Variants in CSMD3 observed in about 807,000 individuals in gnomAD.
CSMD3 encodes the protein CUB and Sushi multiple domains 3, also known as CUB and sushi domain-containing protein 3.
CSMD3 carries 177 observed loss-of-function variants against 435.2 expected under a neutral mutation model. The ratio of observed to expected loss-of-function variants is 0.41; its 90% CI spans 0.36 to 0.46. CSMD3 has a LOEUF of 0.46. CSMD3 is among the 20% of genes least tolerant of loss of function. The probability of loss-of-function intolerance (pLI) is 0.34; values close to 1 mark genes in which losing one functional copy is unlikely to be tolerated. For missense variants in CSMD3, 4,265 were observed against 4,504.6 expected, an observed-to-expected ratio of 0.95 and a Z score of 1.52; for synonymous variants, 1,656 against 1,520.5, an observed-to-expected ratio of 1.09 and a Z score of -2.07.
chr8:113,000,529 A>C (rs1166104913), intron 6 of CSMD3, among the ~76,000 whole-genome samples: 1 of 152,056 alleles, frequency 6.6e-6, no homozygotes, highest in East Asian at 1.9e-4. Flanking sequence ...AGCCCGATTT[A>C]GTCATTCCAC....
intron 61 of CSMD3, among the ~76,000 whole-genome samples, chr8:112,259,155 G>T (rs1223122323): frequency 1.3e-5 from 2 of 152,066 alleles, no homozygotes; most frequent in African/African-American, 4.8e-5. Context: ...GATGTGAATA[G>T]CACTATTCAC....
intron 2 of CSMD3, among the ~76,000 whole-genome samples, chr8:113,298,536 G>A (rs1234327657): frequency 6.6e-6 from 1 of 152,054 alleles, no homozygotes; most frequent in African/African-American, 2.4e-5. Context: ...CATCAATTAT[G>A]AATTAATCAA....
chr8:112,733,890 A>C (rs2077128228), intron 13 of CSMD3, among the ~76,000 whole-genome samples: 1 of 152,040 alleles, frequency 6.6e-6, no homozygotes, highest in African/African-American at 2.4e-5. Flanking sequence ...ATAATACCTC[A>C]GACAGGTGCT....
chr8:113,295,527 T>G (rs1181256653), intron 2 of CSMD3, among the ~76,000 whole-genome samples: 1 of 152,186 alleles, frequency 6.6e-6, no homozygotes, highest in Non-Finnish European at 1.5e-5. Flanking sequence ...AAGAATGATA[T>G]AAAATAAAGT....
intron 6 of CSMD3, among the ~76,000 whole-genome samples, chr8:113,006,911 A>G (rs1566835): frequency 0.67 from 102,244 of 151,768 alleles, 36,051 homozygotes; most frequent in East Asian, 0.95. Flanking sequence ...CCATGACAAA[A>G]TTAGCTTAAA....
At chr8:112,228,472 A>G (rs1412591054) in intron 70 of CSMD3, among the ~76,000 whole-genome samples, 1 of 152,242 alleles carries the variant, frequency 6.6e-6, no homozygotes, top group Non-Finnish European at 1.5e-5. Flanking sequence ...TAGATAATGT[A>G]GAAATAACTT....
chr8:113,227,976 A>G (rs1005276983), intron 3 of CSMD3, among the ~76,000 whole-genome samples: 2 of 151,646 alleles, frequency 1.3e-5, no homozygotes, highest in Non-Finnish European at 3.0e-5. Flanking sequence ...AGTCAAAATT[A>G]GAAGTCACAT....
chr8:113,265,796 G>A (rs964417600), intron 3 of CSMD3, among the ~76,000 whole-genome samples: 3 of 151,214 alleles, frequency 2.0e-5, no homozygotes, highest in African/African-American at 7.3e-5. Context: ...GTCACTTGTG[G>A]ATTAGGGTGT....
At chr8:112,587,371 T>C in intron 22 of CSMD3, 136 bp from the exon 23 acceptor site, 2 of 655,646 alleles carry the variant, frequency 3.1e-6, no homozygotes, top group East Asian at 2.8e-5. Flanking sequence ...AATGGCTTTA[T>C]GTTGTAAATG....
intron 41 of CSMD3, among the ~76,000 whole-genome samples, chr8:112,343,890 A>AT (rs1410766967): frequency 1.3e-5 from 2 of 151,266 alleles, no homozygotes; most frequent in African/African-American, 4.9e-5. Flanking sequence ...TTATTTATTT[A>AT]TTTATTTTTT....
chr8:112,690,846 A>T (rs2076120089), intron 13 of CSMD3, among the ~76,000 whole-genome samples: 1 of 152,102 alleles, frequency 6.6e-6, no homozygotes, highest in African/African-American at 2.4e-5. Context: ...ATAAAATCTT[A>T]GTAATACAGT....
At chr8:113,319,029 A>C (rs527759713) in intron 1 of CSMD3, among the ~76,000 whole-genome samples, 1 of 151,988 alleles carries the variant, frequency 6.6e-6, no homozygotes, top group Non-Finnish European at 1.5e-5. Context: ...ATATTTTTAC[A>C]TGGTGGTTCT....
At chr8:112,233,721 T>C (rs144614666) in intron 68 of CSMD3, among the ~76,000 whole-genome samples, 154 of 152,250 alleles carry the variant, frequency 1.0e-3, no homozygotes, top group African/African-American at 3.6e-3. Flanking sequence ...AGATCTCTCA[T>C]GCTGACTCTT....
chr8:112,969,955 A>G (rs2084581488), intron 7 of CSMD3, among the ~76,000 whole-genome samples: 1 of 152,066 alleles, frequency 6.6e-6, no homozygotes, highest in Non-Finnish European at 1.5e-5. Flanking sequence ...CAAGTTTAAC[A>G]TCACTTAATG....
intron 10 of CSMD3, among the ~76,000 whole-genome samples, chr8:112,885,595 A>C (rs1196424390): frequency 5.3e-5 from 8 of 151,756 alleles, no homozygotes; most frequent in Non-Finnish European, 7.4e-5. Flanking sequence ...CTCTGAGGCC[A>C]GAGTCTAAGC....
chr8:112,396,513 C>T (rs1382309126), intron 35 of CSMD3, among the ~76,000 whole-genome samples: 1 of 152,058 alleles, frequency 6.6e-6, no homozygotes, highest in Non-Finnish European at 1.5e-5. Context: ...AAGGTTTAAG[C>T]AAGGAAACTA....
chr8:113,301,267 T>C (rs943863006), intron 2 of CSMD3, among the ~76,000 whole-genome samples: 1 of 152,080 alleles, frequency 6.6e-6, no homozygotes, highest in African/African-American at 2.4e-5. Context: ...TCACAATGTG[T>C]ATGTTACAGA....
At chr8:112,713,420 G>T (rs1333289854) in intron 13 of CSMD3, among the ~76,000 whole-genome samples, 5 of 149,624 alleles carry the variant, frequency 3.3e-5, no homozygotes, top group African/African-American at 9.8e-5. Flanking sequence ...AGAAATATGG[G>T]ACTATGTAAA....
At chr8:113,022,922 A>G (rs1322966437) in intron 5 of CSMD3, among the ~76,000 whole-genome samples, 1 of 152,074 alleles carries the variant, frequency 6.6e-6, no homozygotes, top group Non-Finnish European at 1.5e-5. Flanking sequence ...AATAATGATT[A>G]AATCATCAAT....
Sources: allele counts gnomAD v4.1 joint callset (sites outside exome capture counted in the v4.1 genomes callset), GRCh38; gene constraint gnomAD v4.1.1; transcripts MANE v1.5; gene names NCBI Gene and HGNC (gene_info 2026-07-23, HGNC 2026-07-21).